Variants in AGMO observed in about 807,000 individuals in gnomAD.
AGMO encodes glyceryl-ether monooxygenase.
AGMO carries 75 observed loss-of-function variants against 60.2 expected under a neutral mutation model. That is an observed-to-expected ratio of 1.25 (90% CI 1.03 to 1.51). AGMO has a LOEUF of 1.51. Among genes scored for constraint, AGMO ranks in the 40% most tolerant of loss-of-function variants. AGMO has a pLI of 0.00. For missense variants in AGMO, 763 were observed against 525.5 expected, an observed-to-expected ratio of 1.45 and a Z score of -4.42; for synonymous variants, 261 against 177.1, an observed-to-expected ratio of 1.47 and a Z score of -3.76.
chr7:15,152,580 T>A, the AGMO span, among the ~76,000 whole-genome samples: 1 of 152,084 alleles, frequency 6.6e-6, no homozygotes, highest in African/African-American at 2.4e-5. Flanking sequence ...CAATTATGAG[T>A]GAGAATATAT....
In AGMO at chr7:15,423,440, T is replaced by C. The variant is rs77804823; in HGVS notation, c.514-4787A>G. 9.9e-4 allele frequency among the ~76,000 whole-genome samples: 150 copies of C among 152,264 alleles called. 1 individual carries two copies. Among genetic ancestry groups the C allele is most frequent in the African/African-American group, 3.4e-3 (141 of 41,530 alleles). Reference sequence around the variant, plus strand: ...GCCTATTTTTCTGGTCCCATTTCTATGCACTTAACCATTTCCTTTTTACCC... The same window carrying C: ...GCCTATTTTTCTGGTCCCATTTCTACGCACTTAACCATTTCCTTTTTACCC... On this transcript the variant is annotated intron_variant, in intron 4 of 12. Transcript: ENST00000342526.
intron 12 of AGMO, among the ~76,000 whole-genome samples, chr7:15,227,336 G>A (rs1436263355): frequency 2.0e-5 from 3 of 151,874 alleles, no homozygotes; most frequent in Non-Finnish European, 2.9e-5. Flanking sequence ...GTAAGGCAAC[G>A]CTGTAACCAA....
At chr7:15,308,461 C>T (rs1231271876) in intron 12 of AGMO, among the ~76,000 whole-genome samples, 1 of 152,080 alleles carries the variant, frequency 6.6e-6, no homozygotes, top group Non-Finnish European at 1.5e-5. Context: ...TACTATCTAC[C>T]TACATCATGG....
chr7:15,524,097 ATAC>A (rs1784065514), intron 3 of AGMO, among the ~76,000 whole-genome samples: 1 of 152,074 alleles, frequency 6.6e-6, no homozygotes, highest in African/African-American at 2.4e-5. Context: ...TAATTAATAT[ATAC>A]TATTATTATA....
At chr7:15,172,824 A>C in the AGMO span, among the ~76,000 whole-genome samples, 16 of 152,176 alleles carry the variant, frequency 1.1e-4, no homozygotes, top group Admixed American at 9.8e-4. Context: ...GGGAGAGCTC[A>C]TGGAAGAGGA....
At chr7:15,327,618 G>C (rs1281450662) in intron 12 of AGMO, among the ~76,000 whole-genome samples, 1 of 151,606 alleles carries the variant, frequency 6.6e-6, no homozygotes, top group Admixed American at 6.6e-5. Context: ...AGTGATATGG[G>C]AACTATAAAC....
chr7:15,455,070 C>A (rs558060999), intron 3 of AGMO, among the ~76,000 whole-genome samples: 1 of 126,524 alleles, frequency 7.9e-6, no homozygotes, highest in Non-Finnish European at 1.7e-5. Context: ...TTTTCTTTCT[C>A]TCTCTCTTTC....
At position 15,415,257 on chromosome 7, in the gene AGMO, C is replaced by T. The variant is rs185950011; in HGVS notation, c.609+3301G>A. On this transcript the variant is annotated intron_variant, in intron 5 of 12. Transcript: ENST00000342526. ...GACTACAGGCACCCGCCACCATGCC[C>T]GGCTAATTTTTTTGAACAGGCTCAC... is the stretch of plus-strand genomic sequence containing the variant. Among the ~76,000 whole-genome samples, 38 of 151,920 alleles carry T rather than the reference C, an allele frequency of 2.5e-4. No individual in the cohort carries two copies. The East Asian group carries it at 5.7e-3, about 23-fold the overall frequency.
At chr7:15,248,222 A>ATATATATATATCTATCTATC (rs1554401294) in intron 12 of AGMO, among the ~76,000 whole-genome samples, 1 of 104,208 alleles carries the variant, frequency 9.6e-6, no homozygotes, top group African/African-American at 3.6e-5. Context: ...ATATATATAT[A>ATATATATATATCTATCTATC]TATCTTCATC....
intron 12 of AGMO, among the ~76,000 whole-genome samples, chr7:15,363,585 A>T (rs139779946): frequency 5.6e-4 from 86 of 152,274 alleles, no homozygotes; most frequent in African/African-American, 2.0e-3. Flanking sequence ...TCAAAGTTCA[A>T]GTCTTTACCA....
intron 4 of AGMO, among the ~76,000 whole-genome samples, chr7:15,426,389 C>T (rs79889271): frequency 0.017 from 2,588 of 152,128 alleles, 65 homozygotes; most frequent in African/African-American, 0.057. Context: ...TAATGAAAAG[C>T]GTTAACTACT....
the AGMO span, among the ~76,000 whole-genome samples, chr7:15,178,211 C>T: frequency 1.3e-5 from 2 of 152,136 alleles, no homozygotes; most frequent in Non-Finnish European, 2.9e-5. Context: ...TCAAATAACT[C>T]TCTAAGAAGG....
chr7:15,429,627 C>G (rs887549319), intron 4 of AGMO, among the ~76,000 whole-genome samples: 2 of 151,958 alleles, frequency 1.3e-5, no homozygotes, highest in Non-Finnish European at 2.9e-5. Context: ...AGAATACAAG[C>G]GTCATCACAG....
At chr7:15,320,707 G>A (rs539681006) in intron 12 of AGMO, among the ~76,000 whole-genome samples, 6 of 152,008 alleles carry the variant, frequency 3.9e-5, no homozygotes, top group East Asian at 3.9e-4. Context: ...TAAATGAGAC[G>A]ATATATATCA....
At chr7:15,547,253 T>C (rs890047541) in intron 2 of AGMO, among the ~76,000 whole-genome samples, 2 of 152,108 alleles carry the variant, frequency 1.3e-5, no homozygotes, top group East Asian at 1.9e-4. Context: ...AGCAAAATTT[T>C]CCCCAGTTGA....
intron 12 of AGMO, among the ~76,000 whole-genome samples, chr7:15,272,766 T>C (rs1231983269): frequency 6.6e-6 from 1 of 152,206 alleles, no homozygotes; most frequent in Non-Finnish European, 1.5e-5. Context: ...AGTGTTCCTA[T>C]TTCTCCACAT....
chr7:15,305,566 G>A (rs1424683591), intron 12 of AGMO, among the ~76,000 whole-genome samples: 1 of 151,916 alleles, frequency 6.6e-6, no homozygotes, highest in East Asian at 1.9e-4. Flanking sequence ...TTAAATATGA[G>A]TAACAATTTA....
chr7:15,524,050 T>C (rs926849301), intron 3 of AGMO, among the ~76,000 whole-genome samples: 1 of 152,024 alleles, frequency 6.6e-6, no homozygotes, highest in African/African-American at 2.4e-5. Flanking sequence ...CTGTTTGATA[T>C]TTTTGTTGTG....
At chr7:15,219,386 A>G (rs2128496340) in intron 12 of AGMO, among the ~76,000 whole-genome samples, 1 of 152,288 alleles carries the variant, frequency 6.6e-6, no homozygotes, top group East Asian at 1.9e-4. Context: ...TACATTAACT[A>G]ATATTTAAAG....
Sources: gnomAD v4.1 joint callset for allele counts (sites outside exome capture counted in the v4.1 genomes callset) on GRCh38, gnomAD v4.1.1 for gene constraint, MANE v1.5 for transcripts, NCBI Gene and HGNC (gene_info 2026-07-23, HGNC 2026-07-21) for gene names.